CDH13: variants seen among roughly 807,000 people sequenced by gnomAD.
The protein encoded by CDH13 is cadherin 13.
Under a neutral mutation model 63.8 loss-of-function variants are expected in CDH13, and 24 were observed. The observed-to-expected ratio is 0.38, with a 90% CI of 0.27 to 0.53. The LOEUF is 0.53. Among genes scored for constraint, CDH13 ranks in the 20% least tolerant of loss-of-function variants. The probability of loss-of-function intolerance (pLI) is 0.85; values close to 1 mark genes in which losing one functional copy is unlikely to be tolerated. For synonymous variants in CDH13, 503 were observed against 355.3 expected (o/e 1.42, Z -4.67); for missense variants, 1,049 against 903.1 (o/e 1.16, Z -2.07).
chr16:82,669,251 C>T (rs772418618), intron 1 of CDH13, among the ~76,000 whole-genome samples: 21 of 152,208 alleles, frequency 1.4e-4, no homozygotes, highest in Admixed American at 3.9e-4. Flanking sequence ...ATGTTAGATA[C>T]GATGAAGTTC....
At chr16:83,111,671 G>A (rs1017364798) in intron 3 of CDH13, among the ~76,000 whole-genome samples, 2 of 152,198 alleles carry the variant, frequency 1.3e-5, no homozygotes, top group Non-Finnish European at 2.9e-5. Flanking sequence ...TTGGATTGGA[G>A]AATGGAGTTG....
At chr16:83,777,966 A>G (rs1915236102) in intron 11 of CDH13, among the ~76,000 whole-genome samples, 1 of 152,238 alleles carries the variant, frequency 6.6e-6, no homozygotes, top group Non-Finnish European at 1.5e-5. Context: ...CATCTTAGCC[A>G]AGAGGCCAAG....
In CDH13 at chr16:83,644,704, A is replaced by G. The variant is rs550380241; in HGVS notation, c.1102-26086A>G. Among the ~76,000 whole-genome samples the G allele has an allele frequency of 8.9e-4, 136 of 152,348 alleles. 1 individual carries two copies. Among genetic ancestry groups the G allele is most frequent in the African/African-American group, 3.1e-3 (128 of 41,576 alleles). On this transcript the variant is annotated intron_variant, in intron 8 of 13. Transcript: ENST00000567109. ...AGAAACGCATCTGGTACTCAAGCGC[A>G]GAGCAGAGGTGGAATTCTAGGCCTG...
At chr16:83,399,672 C>T (rs577775125) in intron 6 of CDH13, among the ~76,000 whole-genome samples, 7 of 152,260 alleles carry the variant, frequency 4.6e-5, no homozygotes, top group East Asian at 1.9e-4. Flanking sequence ...TCTCCTTGTT[C>T]GCTGGGAATC....
At chr16:83,457,392 G>A (rs565275462) in intron 6 of CDH13, among the ~76,000 whole-genome samples, 14 of 152,116 alleles carry the variant, frequency 9.2e-5, no homozygotes, top group Non-Finnish European at 1.6e-4. Context: ...AAGTCAGAAG[G>A]ACATAGGATC....
chr16:82,839,380 C>A (rs138863164), intron 1 of CDH13, among the ~76,000 whole-genome samples: 2 of 152,182 alleles, frequency 1.3e-5, no homozygotes, highest in Non-Finnish European at 2.9e-5. Context: ...CTGGTTCCTG[C>A]GTCCATCTCT....
intron 7 of CDH13, among the ~76,000 whole-genome samples, chr16:83,511,178 G>A (rs777185663): frequency 6.6e-6 from 1 of 152,146 alleles, no homozygotes; most frequent in Non-Finnish European, 1.5e-5. Context: ...AGAATGGTTC[G>A]TGGCCGGGTG....
chr16:83,762,127 A>T lies in CDH13; in HGVS notation c.1681+13877A>T, dbSNP rs188767274. On this transcript the variant is annotated intron_variant, in intron 11 of 13. Transcript: ENST00000567109. ...GTAAATTACCTAAGAACATTGTTTC[A>T]ATAAAACAGAAATGCTTTTGTTTTG... is the stretch of plus-strand genomic sequence containing the variant. 1.0e-3 allele frequency among the ~76,000 whole-genome samples: 152 copies of T among 152,354 alleles called. 1 individual carries two copies. The highest frequency in any genetic ancestry group is 1.3e-4 in the Non-Finnish European group (9 of 68,030).
rs1226888446 is a variant in CDH13 at position 83,527,057 on chromosome 16, TGA to T, written c.960+40404_960+40405del. On this transcript the variant is annotated intron_variant, in intron 7 of 13. Coordinates refer to ENST00000567109, the MANE Select transcript of CDH13 (RefSeq NM_001257.5). ...TGAGGCAGGAGATCACTTGAACCCA[TGA>T]GGCGGAGGCTGCTGTAAGCCGAGAT... Among the ~76,000 whole-genome samples, 4 of 151,184 alleles carry T rather than the reference TGA, an allele frequency of 2.6e-5. No individual in the cohort carries two copies. In the East Asian group the frequency reaches 7.8e-4, roughly 29 times the overall value.
intron 9 of CDH13, among the ~76,000 whole-genome samples, chr16:83,673,848 A>C (rs184298728): frequency 2.0e-5 from 3 of 152,346 alleles, no homozygotes; most frequent in Non-Finnish European, 4.4e-5. Flanking sequence ...AGTTTCCATC[A>C]GCTTGTCCGC....
chr16:83,390,941 T>C (rs2091773857), intron 6 of CDH13, among the ~76,000 whole-genome samples: 1 of 152,192 alleles, frequency 6.6e-6, no homozygotes, highest in African/African-American at 2.4e-5. Context: ...GGCCTGGCTC[T>C]TAGCAGGCCA....
At chr16:82,895,946 C>G (rs985436461) in intron 2 of CDH13, among the ~76,000 whole-genome samples, 4 of 152,150 alleles carry the variant, frequency 2.6e-5, no homozygotes, top group Admixed American at 2.0e-4. Context: ...TGCCTCAAAG[C>G]CTTCGCAGGC....
At chr16:82,790,268 C>G (rs1043520744) in intron 1 of CDH13, among the ~76,000 whole-genome samples, 19 of 152,114 alleles carry the variant, frequency 1.2e-4, no homozygotes, top group African/African-American at 4.3e-4. Context: ...AACCCCATCT[C>G]TACTAAAAAC....
chr16:83,301,578 C>G (rs4782530), intron 5 of CDH13, among the ~76,000 whole-genome samples: 1 of 151,942 alleles, frequency 6.6e-6, no homozygotes, highest in Non-Finnish European at 1.5e-5. Flanking sequence ...AAGGTCGGAC[C>G]GACAGACTAT....
At chr16:83,689,622 T>C (rs1904644928) in intron 10 of CDH13, among the ~76,000 whole-genome samples, 1 of 152,192 alleles carries the variant, frequency 6.6e-6, no homozygotes, top group South Asian at 2.1e-4. Context: ...GGCTCTAAAC[T>C]ACAGTCCTCC....
chr16:83,590,954 A>G (rs928658002), intron 7 of CDH13, among the ~76,000 whole-genome samples: 1 of 126,346 alleles, frequency 7.9e-6, no homozygotes, highest in African/African-American at 3.1e-5. Flanking sequence ...CTCGTTGCCC[A>G]GGCTGGAGTG....
At position 83,069,465 on chromosome 16, in the gene CDH13, G is replaced by GC. The variant is rs1293689983; in HGVS notation, c.366+37254dup. Among the ~76,000 whole-genome samples the GC allele has an allele frequency of 3.9e-5, 6 of 152,142 alleles. No individual in the cohort carries two copies. In the South Asian group the frequency reaches 1.0e-3, roughly 26 times the overall value. ...ATGTGAACATTTCATGTATGTAACA[G>GC]CCCCCCCTAAGGTAGAAATTGTTAT... On this transcript the variant is annotated intron_variant, in intron 3 of 13. Transcript: ENST00000567109.
At position 82,797,173 on chromosome 16, in the gene CDH13, T is replaced by G. The variant is rs78663981; in HGVS notation, c.46-61189T>G. ...ATAGTTTTTCCTATACGTCACTCTT[T>G]CAGTGTGGGGAGGAATGGTGACTTT... On this transcript the variant is annotated intron_variant, in intron 1 of 13. Transcript: ENST00000567109. Among the ~76,000 whole-genome samples the G allele has an allele frequency of 3.2e-4, 49 of 152,332 alleles. No individual in the cohort carries two copies. The South Asian group carries it at 1.0e-2, about 31-fold the overall frequency.
intron 6 of CDH13, among the ~76,000 whole-genome samples, chr16:83,424,879 A>G (rs989896075): frequency 2.6e-5 from 4 of 152,162 alleles, no homozygotes; most frequent in Non-Finnish European, 5.9e-5. Flanking sequence ...CCCTACACTC[A>G]CACAGACAAA....
Sources: gnomAD v4.1 joint callset for allele counts (sites outside exome capture counted in the v4.1 genomes callset) on GRCh38, gnomAD v4.1.1 for gene constraint, MANE v1.5 for transcripts, NCBI Gene and HGNC (gene_info 2026-07-23, HGNC 2026-07-21) for gene names.